Variants in TMEM234 observed in about 807,000 individuals in gnomAD.
The protein encoded by TMEM234 is chromosome 1 open reading frame 91.
A neutral mutation model predicts 17.8 loss-of-function variants in TMEM234; 21 were observed. That is an observed-to-expected ratio of 1.18 (90% confidence interval 0.84 to 1.70). The LOEUF (loss-of-function observed/expected upper bound fraction) is 1.70, where lower values mean the gene tolerates loss of function less well. Among genes scored for constraint, TMEM234 ranks in the 40% most tolerant of loss-of-function variants. The probability of loss-of-function intolerance (pLI) is 0.00; values close to 1 mark genes in which losing one functional copy is unlikely to be tolerated. For missense variants in TMEM234, 137 were observed against 166.9 expected, an observed-to-expected ratio of 0.82 and a Z score of 0.99; for synonymous variants, 83 against 73.5, an observed-to-expected ratio of 1.13 and a Z score of -0.66.
At chr1:32,218,076 C>T (rs1638573591) in intron 3 of TMEM234, among the ~76,000 whole-genome samples, 1 of 152,176 alleles carries the variant, frequency 6.6e-6, no homozygotes, top group Non-Finnish European at 1.5e-5. Flanking sequence ...AGGATCTGTT[C>T]CTTAATTTTG....
At chr1:32,217,209 A>G in intron 4 of TMEM234, 50 bp downstream of exon 4, 1 of 1,614,142 alleles carries the variant, frequency 6.2e-7, no homozygotes, top group Non-Finnish European at 8.5e-7. Flanking sequence ...TAACACAGGT[A>G]TGTCGAGATC....
chr1:32,218,252 C>T (rs1638589506), intron 3 of TMEM234, among the ~76,000 whole-genome samples: 1 of 151,474 alleles, frequency 6.6e-6, no homozygotes, highest in Non-Finnish European at 1.5e-5. Flanking sequence ...TGGTGAAACC[C>T]CGTCTCTACT....
chr1:32,219,096 G>A (rs1638663177), intron 3 of TMEM234, among the ~76,000 whole-genome samples: 1 of 145,526 alleles, frequency 6.9e-6, no homozygotes, highest in African/African-American at 2.6e-5. Context: ...TGGGCAACAA[G>A]AGCGAAATGC....
chr1:32,220,999 A>C, intron 3 of TMEM234, 132 bp downstream of exon 3: 1 of 678,836 alleles, frequency 1.5e-6, no homozygotes, highest in Non-Finnish European at 2.6e-6. Context: ...GAGGATAGTA[A>C]GAGGGAACTA....
At chr1:32,220,734 T>C (rs1638822755) in intron 3 of TMEM234, among the ~76,000 whole-genome samples, 1 of 152,152 alleles carries the variant, frequency 6.6e-6, no homozygotes, top group South Asian at 2.1e-4. Context: ...TCCTAGATGT[T>C]TCCCATTCAT....
intron 3 of TMEM234, among the ~76,000 whole-genome samples, chr1:32,218,046 G>C (rs1417868496): frequency 3.3e-5 from 5 of 152,202 alleles, no homozygotes; most frequent in African/African-American, 1.2e-4. Context: ...CTGTGGTGTG[G>C]GTAGAGGGCA....
At chr1:32,216,067 T>A, downstream of TMEM234, 1 of 715,668 alleles carries the variant, frequency 1.4e-6, no homozygotes, top group Non-Finnish European at 2.3e-6. Flanking sequence ...AGCCCAGCCT[T>A]CCCTTCCTCT....
downstream of TMEM234, chr1:32,215,759 C>A: frequency 6.9e-7 from 1 of 1,454,900 alleles, no homozygotes; most frequent in Non-Finnish European, 9.3e-7. Flanking sequence ...GGAGGCTGGC[C>A]ATACTCACGG....
intron 3 of TMEM234, among the ~76,000 whole-genome samples, chr1:32,219,906 C>T (rs1047561795): frequency 2.0e-5 from 3 of 152,060 alleles, no homozygotes; most frequent in African/African-American, 7.2e-5. Context: ...GTTGGGTTGT[C>T]GTAAGATGAA....
chr1:32,220,924 A>G (rs1638843326), intron 3 of TMEM234, among the ~76,000 whole-genome samples: 1 of 152,162 alleles, frequency 6.6e-6, no homozygotes, highest in South Asian at 2.1e-4. Context: ...GCCAGGCTTC[A>G]AACCAACTCC....
chr1:32,217,637 A>T, intron 3 of TMEM234: 1 of 616,110 alleles, frequency 1.6e-6, no homozygotes, highest in South Asian at 1.6e-5. Context: ...GATCTCAAGG[A>T]CATCTGGACG....
Position 32,216,371 on chromosome 1 carries a change from C to T in TMEM234, c.*482G>A. On this transcript the variant is annotated 3_prime_UTR_variant, in exon 5 of 5. Coordinates refer to ENST00000309777, the MANE Select transcript of TMEM234 (RefSeq NM_019118.5). ...TAGACAGCTCATTTCCTGCATCTGC[C>T]ACTCCGACGCACCTTCTTCCCTCGG... 6.5e-7 allele frequency: 1 copy of T among 1,550,258 alleles called. No homozygotes were observed. Among genetic ancestry groups the T allele is most frequent in the Non-Finnish European group, 8.7e-7 (1 of 1,146,292 alleles).
intron 4 of TMEM234, 100 bp from the exon 5 acceptor site, chr1:32,217,047 A>G (rs756076856): frequency 6.3e-7 from 1 of 1,582,740 alleles, no homozygotes; most frequent in East Asian, 2.3e-5. Flanking sequence ...CTGGTCTTCA[A>G]TCCCAAACCC....
chr1:32,218,086 G>A (rs1025492087), intron 3 of TMEM234, among the ~76,000 whole-genome samples: 1 of 152,222 alleles, frequency 6.6e-6, no homozygotes, highest in African/African-American at 2.4e-5. Flanking sequence ...CCTTAATTTT[G>A]AAGTTCCAAG....
chr1:32,217,441 A>T (rs976636392), intron 3 of TMEM234, 90 bp from the exon 4 acceptor site: 51 of 1,580,140 alleles, frequency 3.2e-5, no homozygotes, highest in Non-Finnish European at 4.4e-5. Context: ...TCATACCTTT[A>T]AAAAAGGTAT....
chr1:32,216,320 C>CTCATG lies in TMEM234; in HGVS notation c.*528_*532dup, dbSNP rs961566714. 2.6e-6 allele frequency: 4 copies of CTCATG among 1,525,890 alleles called. No individual in the cohort carries two copies. The highest frequency in any genetic ancestry group is 3.5e-6 in the Non-Finnish European group (4 of 1,133,470). The allele number at this position is 1,525,890 out of a possible 1,614,324, so 94.5% of individuals were successfully genotyped here. ...GCTGGCAGTGAGGATTTCTGCCTAC[C>CTCATG]TCATGGGTGGGGCAGGCAAGGCTAA... is the stretch of plus-strand genomic sequence containing the variant. On this transcript the variant is annotated 3_prime_UTR_variant, in exon 5 of 5. Coordinates refer to ENST00000309777, the MANE Select transcript of TMEM234 (RefSeq NM_019118.5).
intron 3 of TMEM234, 128 bp from the exon 4 acceptor site, chr1:32,217,479 C>T: frequency 1.9e-6 from 3 of 1,538,500 alleles, no homozygotes; most frequent in Admixed American, 2.0e-5. Flanking sequence ...GATGAAGTCA[C>T]AGCAAATCTC....
At chr1:32,219,647 A>G (rs1306212605) in intron 3 of TMEM234, among the ~76,000 whole-genome samples, 3 of 152,178 alleles carry the variant, frequency 2.0e-5, no homozygotes, top group African/African-American at 7.2e-5. Flanking sequence ...TGCTGGAATT[A>G]TAGGCCTGAG....
In TMEM234 at chr1:32,216,601, G is replaced by A; in HGVS notation, c.*252C>T. On this transcript the variant is annotated 3_prime_UTR_variant, in exon 5 of 5. Transcript: ENST00000309777. ...GATGTTAGCAGGAAGAGAGCTGCTG[G>A]GGCAGAAAGGTTGCTGAGGGTGAGC... 1.9e-6 allele frequency: 3 copies of A among 1,538,940 alleles called. No individual in the cohort carries two copies. Among genetic ancestry groups the A allele is most frequent in the Non-Finnish European group, 2.6e-6 (3 of 1,137,546 alleles).
Sources: gnomAD v4.1 joint callset for allele counts (sites outside exome capture counted in the v4.1 genomes callset) on GRCh38, gnomAD v4.1.1 for gene constraint, MANE v1.5 for transcripts, NCBI Gene and HGNC (gene_info 2026-07-23, HGNC 2026-07-21) for gene names.